The following TCF4 variants were observed in gnomAD, a reference collection of about 807,000 sequenced individuals.
The protein encoded by TCF4 is SL3-3 enhancer factor 2.
TCF4 carries 3 observed loss-of-function variants against 82.1 expected under a neutral mutation model. That is an observed-to-expected ratio of 0.04 (90% CI 0.02 to 0.09). The LOEUF is 0.09. Among genes scored for constraint, TCF4 ranks in the 10% least tolerant of loss-of-function variants. The pLI is 1.00. For missense variants in TCF4, 518 were observed against 852.7 expected, an observed-to-expected ratio of 0.61 and a Z score of 4.89; for synonymous variants, 276 against 309.6, an observed-to-expected ratio of 0.89 and a Z score of 1.14.
intron 3 of TCF4, chr18:55,510,716 AG>A: frequency 1.4e-6 from 2 of 1,418,494 alleles, no homozygotes; most frequent in Non-Finnish European, 1.8e-6. Context: ...CTTTCTTTTA[AG>A]GGGCCTTCCT....
intron 2 of TCF4, among the ~76,000 whole-genome samples, chr18:55,609,711 T>C (rs964921030): frequency 6.6e-6 from 1 of 152,198 alleles, no homozygotes; most frequent in Non-Finnish European, 1.5e-5. Context: ...CCAGCCACTT[T>C]AGACTCTGCA....
intron 8 of TCF4, among the ~76,000 whole-genome samples, chr18:55,326,748 T>G (rs1239565415): frequency 6.6e-6 from 1 of 152,156 alleles, no homozygotes; most frequent in African/African-American, 2.4e-5. Flanking sequence ...CTAATTGGTA[T>G]TTTTTGCTCT....
In TCF4 at chr18:55,610,665, A is replaced by T. The variant is rs201712818; in HGVS notation, c.286+20633T>A. Among the ~76,000 whole-genome samples, 4 of 152,328 alleles carry T rather than the reference A, an allele frequency of 2.6e-5. No homozygotes were observed. In the East Asian group the frequency reaches 7.7e-4, roughly 29 times the overall value. On this transcript the variant is annotated intron_variant, in intron 2 of 20. Transcript: ENST00000398339. ...TTAACTACTTAACAGCTACAACAGG[A>T]AGATATCCATCAAGATGGAAAGATT...
intron 2 of TCF4, among the ~76,000 whole-genome samples, chr18:55,621,618 T>TAATATAA (rs2097719474): frequency 9.5e-5 from 3 of 31,472 alleles, no homozygotes; most frequent in Non-Finnish European, 1.8e-4. Context: ...TTATATAATA[T>TAATATAA]TATATATAAT....
intron 2 of TCF4, among the ~76,000 whole-genome samples, chr18:55,600,424 C>T (rs1036550070): frequency 3.9e-5 from 6 of 152,206 alleles, no homozygotes; most frequent in African/African-American, 1.4e-4. Context: ...CTCAATTAGA[C>T]TCTAAACCTC....
At chr18:55,346,070 C>T (rs2081109986) in intron 8 of TCF4, among the ~76,000 whole-genome samples, 1 of 152,192 alleles carries the variant, frequency 6.6e-6, no homozygotes, top group African/African-American at 2.4e-5. Context: ...GATTCAACAT[C>T]ATGTTTGAAA....
chr18:55,340,064 G>T (rs1028214751), intron 8 of TCF4, among the ~76,000 whole-genome samples: 1 of 152,118 alleles, frequency 6.6e-6, no homozygotes, highest in Admixed American at 6.5e-5. Flanking sequence ...TCAGTTTTGC[G>T]GGGGGATCTA....
At chr18:55,343,357 T>C (rs1569101201) in intron 8 of TCF4, among the ~76,000 whole-genome samples, 1 of 152,126 alleles carries the variant, frequency 6.6e-6, no homozygotes, top group Non-Finnish European at 1.5e-5. Flanking sequence ...TTAGTGAAAT[T>C]TAACACACAC....
intron 8 of TCF4, among the ~76,000 whole-genome samples, chr18:55,335,341 G>A (rs1032809571): frequency 1.2e-4 from 18 of 152,176 alleles, no homozygotes; most frequent in African/African-American, 4.1e-4. Flanking sequence ...TGTTGTAAAA[G>A]AATGTTGTGT....
chr18:55,372,307 GC>G (rs2089472679), intron 6 of TCF4, among the ~76,000 whole-genome samples: 1 of 151,730 alleles, frequency 6.6e-6, no homozygotes, highest in Non-Finnish European at 1.5e-5. Context: ...TAAATCACAA[GC>G]CAAAAAGCAG....
intron 6 of TCF4, among the ~76,000 whole-genome samples, chr18:55,395,114 A>G (rs2093412222): frequency 6.6e-6 from 1 of 152,186 alleles, no homozygotes; most frequent in African/African-American, 2.4e-5. Flanking sequence ...TTCAATAAAT[A>G]TTTCTGTCAT....
rs565066475 is a variant in TCF4 at position 55,586,285 on chromosome 18, C to A, written c.72+760G>T. On this transcript the variant is annotated intron_variant, in intron 2 of 19. Transcript: ENST00000354452. ...ATTTTATTTGTGTGTTTTGTGGATT[C>A]TTTTTATTTTGCTTTACAAATGCAT... is the stretch of plus-strand genomic sequence containing the variant. 14 of 890,478 alleles carry A rather than the reference C, an allele frequency of 1.6e-5. No homozygotes were observed. In the East Asian group the frequency reaches 4.0e-4, roughly 26 times the overall value. The allele number at this position is 890,478 out of a possible 1,614,324, so 55.2% of individuals were successfully genotyped here. A position where few individuals can be genotyped will look rare whatever the true frequency, so the allele number is the denominator to read the frequency against.
At chr18:55,504,191 A>G (rs1039243524) in intron 3 of TCF4, among the ~76,000 whole-genome samples, 1 of 152,258 alleles carries the variant, frequency 6.6e-6, no homozygotes, top group Non-Finnish European at 1.5e-5. Context: ...TGTCAACAAT[A>G]TAAGTCTGAA....
At chr18:55,267,157 A>G (rs2059369109) in intron 11 of TCF4, 1 of 152,192 alleles carries the variant, frequency 6.6e-6, no homozygotes, top group African/African-American at 2.4e-5. Flanking sequence ...TATTGCTTAC[A>G]GTCATTTTCT....
At chr18:55,368,010 AAGCATCTTG>A (rs1454694318) in intron 6 of TCF4, among the ~76,000 whole-genome samples, 2 of 152,218 alleles carry the variant, frequency 1.3e-5, no homozygotes, top group Admixed American at 1.3e-4. Flanking sequence ...TGAACAATCT[AAGCATCTTG>A]AGAAATGAAT....
chr18:55,514,741 A>G (rs1450353084), intron 3 of TCF4, among the ~76,000 whole-genome samples: 4 of 152,160 alleles, frequency 2.6e-5, no homozygotes, highest in Admixed American at 6.5e-5. Context: ...AACTGAGGAA[A>G]AACATATGAT....
intron 4 of TCF4, among the ~76,000 whole-genome samples, chr18:55,462,481 T>C (rs1462270088): frequency 1.3e-5 from 2 of 152,156 alleles, no homozygotes; most frequent in Admixed American, 6.5e-5. Flanking sequence ...ATTTGTCTCA[T>C]GCAAACTTCT....
intron 5 of TCF4, among the ~76,000 whole-genome samples, chr18:55,434,616 A>T (rs2095285435): frequency 6.7e-6 from 1 of 148,712 alleles, no homozygotes; most frequent in Non-Finnish European, 1.5e-5. Flanking sequence ...TTTAGTAGAG[A>T]CGGGGTTTCA....
intron 2 of TCF4, 41 bp downstream of exon 2, chr18:55,587,004 T>G: frequency 6.3e-7 from 1 of 1,587,848 alleles, no homozygotes; most frequent in South Asian, 1.1e-5. Flanking sequence ...TTTGTTTTGT[T>G]TTTTTCACAG....
Sources: allele counts gnomAD v4.1 joint callset (sites outside exome capture counted in the v4.1 genomes callset), GRCh38; gene constraint gnomAD v4.1.1; transcripts MANE v1.5; gene names NCBI Gene and HGNC (gene_info 2026-07-23, HGNC 2026-07-21).